Variants in SLC24A3 observed in about 807,000 individuals in gnomAD.
The protein encoded by SLC24A3 is solute carrier family 24 member 3.
A neutral mutation model predicts 75.8 loss-of-function variants in SLC24A3; 28 were observed. The ratio of observed to expected loss-of-function variants is 0.37; its 90% CI spans 0.27 to 0.51. SLC24A3 has a LOEUF of 0.51. Among genes scored for constraint, SLC24A3 ranks in the 20% least tolerant of loss-of-function variants. The pLI, the probability that SLC24A3 is intolerant of heterozygous loss-of-function variation, is 0.94. For missense variants in SLC24A3, 663 were observed against 847.8 expected (o/e 0.78, Z 2.71); for synonymous variants, 372 against 334.1 (o/e 1.11, Z -1.24).
In SLC24A3 at chr20:19,488,137, C is replaced by T. The variant is rs1360978655; in HGVS notation, c.272-27351C>T. On this transcript the variant is annotated intron_variant, in intron 2 of 16. Coordinates refer to ENST00000328041, the MANE Select transcript of SLC24A3 (RefSeq NM_020689.4). ...AAGAGAATTGGCATGCGCTGGGTAG[C>T]GCATTTTATTGTTACTGACTCTGGC... Among the ~76,000 whole-genome samples the T allele has an allele frequency of 4.6e-5, 7 of 152,300 alleles. 1 individual carries two copies. In the South Asian group the frequency reaches 1.4e-3, roughly 32 times the overall value.
chr20:19,707,628 A>T (rs991244941), intron 15 of SLC24A3, among the ~76,000 whole-genome samples: 4 of 152,290 alleles, frequency 2.6e-5, no homozygotes, highest in Middle Eastern at 3.4e-3. Context: ...ACAAAAAGAG[A>T]TTCTTTTTAA....
At chr20:19,668,644 C>T (rs1316982069) in intron 8 of SLC24A3, among the ~76,000 whole-genome samples, 2 of 152,236 alleles carry the variant, frequency 1.3e-5, no homozygotes, top group Non-Finnish European at 2.9e-5. Flanking sequence ...CCCTGTCATG[C>T]AGTTCAGATT....
intron 2 of SLC24A3, among the ~76,000 whole-genome samples, chr20:19,504,597 G>A (rs371624921): frequency 2.0e-5 from 3 of 152,112 alleles, no homozygotes; most frequent in African/African-American, 4.8e-5. Flanking sequence ...TATTTAGTGG[G>A]TTCCTGTGTA....
At chr20:19,588,762 G>A (rs2031333361) in intron 6 of SLC24A3, among the ~76,000 whole-genome samples, 1 of 152,212 alleles carries the variant, frequency 6.6e-6, no homozygotes, top group Non-Finnish European at 1.5e-5. Flanking sequence ...CTTCATGCCA[G>A]TTTTGTAAAA....
chr20:19,540,255 G>A (rs1437856387), intron 3 of SLC24A3, among the ~76,000 whole-genome samples: 3 of 152,170 alleles, frequency 2.0e-5, no homozygotes. Context: ...GTGCAGAGCT[G>A]CAACTGGGAC....
intron 6 of SLC24A3, among the ~76,000 whole-genome samples, chr20:19,639,430 T>C (rs1420378831): frequency 6.6e-6 from 1 of 152,220 alleles, no homozygotes; most frequent in African/African-American, 2.4e-5. Context: ...AACCCTGAGC[T>C]AGACACAGGG....
chr20:19,492,026 CA>C (rs1320289894), intron 2 of SLC24A3, among the ~76,000 whole-genome samples: 1 of 152,128 alleles, frequency 6.6e-6, no homozygotes, highest in Non-Finnish European at 1.5e-5. Flanking sequence ...CTGGCTGTTA[CA>C]AACTGGAGGC....
chr20:19,711,255 ACACACATG>A (rs994425751), intron 15 of SLC24A3, among the ~76,000 whole-genome samples: 3 of 151,950 alleles, frequency 2.0e-5, no homozygotes, highest in African/African-American at 4.8e-5. Flanking sequence ...AAATGTGCAC[ACACACATG>A]CACACATGCA....
chr20:19,239,868 G>A (rs967579687), intron 1 of SLC24A3, among the ~76,000 whole-genome samples: 1 of 152,150 alleles, frequency 6.6e-6, no homozygotes, highest in African/African-American at 2.4e-5. Context: ...CTAGTCCAGG[G>A]CTGGGAAGCT....
intron 2 of SLC24A3, among the ~76,000 whole-genome samples, chr20:19,400,549 TATG>T (rs1986534292): frequency 6.6e-6 from 1 of 152,178 alleles, no homozygotes; most frequent in Non-Finnish European, 1.5e-5. Flanking sequence ...TCTTCATCTG[TATG>T]TGCTGATCAG....
chr20:19,355,398 A>G (rs1219651840), intron 2 of SLC24A3, among the ~76,000 whole-genome samples: 6 of 152,214 alleles, frequency 3.9e-5, no homozygotes, highest in Non-Finnish European at 8.8e-5. Context: ...ATTCGAAAAT[A>G]AGTGATCTTA....
intron 1 of SLC24A3, among the ~76,000 whole-genome samples, chr20:19,248,051 C>A (rs139068825): frequency 6.6e-6 from 1 of 152,262 alleles, no homozygotes; most frequent in East Asian, 1.9e-4. Context: ...CTTTATAAAA[C>A]CTACATAGGT....
At chr20:19,526,782 TTCTG>T (rs1163177555) in intron 3 of SLC24A3, among the ~76,000 whole-genome samples, 1 of 152,200 alleles carries the variant, frequency 6.6e-6, no homozygotes, top group Non-Finnish European at 1.5e-5. Context: ...GTTATTTTCC[TTCTG>T]TCTATCTTGA....
rs1988115873 is a variant in SLC24A3 at position 19,485,556 on chromosome 20, T to C, written c.272-29932T>C. The stretch of plus-strand genomic sequence containing the variant: ...GGCGACTGGGGACTTCATTCCTTCT[T>C]ATCCTTTTGAAGGCTACTTTTTGAA... On this transcript the variant is annotated intron_variant, in intron 2 of 16. Coordinates refer to ENST00000328041, the MANE Select transcript of SLC24A3 (RefSeq NM_020689.4). Among the ~76,000 whole-genome samples, 2 of 152,364 alleles carry C rather than the reference T, an allele frequency of 1.3e-5. 1 individual carries two copies. Among genetic ancestry groups the C allele is most frequent in the South Asian group, 4.1e-4 (2 of 4,824 alleles).
At chr20:19,323,689 C>T (rs1452666376) in intron 2 of SLC24A3, among the ~76,000 whole-genome samples, 1 of 152,070 alleles carries the variant, frequency 6.6e-6, no homozygotes, top group Non-Finnish European at 1.5e-5. Flanking sequence ...CTAAGGGGGA[C>T]TTTAGCTACT....
chr20:19,262,391 C>G (rs1386608033), intron 1 of SLC24A3, among the ~76,000 whole-genome samples: 4 of 119,112 alleles, frequency 3.4e-5, no homozygotes, highest in Non-Finnish European at 6.5e-5. Context: ...GGCGACAGAG[C>G]GAGACTCCGT....
intron 3 of SLC24A3, among the ~76,000 whole-genome samples, chr20:19,543,700 C>T (rs187395149): frequency 6.6e-6 from 1 of 152,276 alleles, no homozygotes; most frequent in Admixed American, 6.5e-5. Context: ...AAAACAGTCA[C>T]CATGCTTTGT....
chr20:19,279,827 T>C (rs1983605651), intron 1 of SLC24A3, among the ~76,000 whole-genome samples: 1 of 152,190 alleles, frequency 6.6e-6, no homozygotes, highest in Admixed American at 6.5e-5. Flanking sequence ...GAAAAAGGCC[T>C]TGGGCAATGA....
At chr20:19,373,286 A>G (rs1986022479) in intron 2 of SLC24A3, among the ~76,000 whole-genome samples, 1 of 152,140 alleles carries the variant, frequency 6.6e-6, no homozygotes, top group South Asian at 2.1e-4. Flanking sequence ...CCTCTCTCGG[A>G]GGCCCTTCCT....
Sources: gnomAD v4.1 joint callset for allele counts (sites outside exome capture counted in the v4.1 genomes callset) on GRCh38, gnomAD v4.1.1 for gene constraint, MANE v1.5 for transcripts, NCBI Gene and HGNC (gene_info 2026-07-23, HGNC 2026-07-21) for gene names.